SHB: variants seen among roughly 807,000 people sequenced by gnomAD.
SHB encodes the protein SH2 domain-containing adapter protein B.
SHB carries 20 observed loss-of-function variants against 52.3 expected under a neutral mutation model. The ratio of observed to expected loss-of-function variants is 0.38; its 90% CI spans 0.27 to 0.56. The LOEUF is 0.56. Among genes scored for constraint, SHB ranks in the 20% least tolerant of loss-of-function variants. The pLI, the probability that SHB is intolerant of heterozygous loss-of-function variation, is 0.71. For synonymous variants in SHB, 397 were observed against 316.5 expected, an observed-to-expected ratio of 1.25 and a Z score of -2.70; for missense variants, 825 against 723.3, an observed-to-expected ratio of 1.14 and a Z score of -1.61.
chr9:38,057,166 G>A (rs892031045), intron 1 of SHB, among the ~76,000 whole-genome samples: 3 of 152,142 alleles, frequency 2.0e-5, no homozygotes, highest in Non-Finnish European at 4.4e-5. Context: ...TGAAAACGAG[G>A]AAAAGCCCAA....
chr9:38,005,903 G>T (rs576466800), intron 2 of SHB, among the ~76,000 whole-genome samples: 1 of 152,112 alleles, frequency 6.6e-6, no homozygotes, highest in African/African-American at 2.4e-5. Context: ...GTGGCCCCCA[G>T]GTCCCTGGAA....
intron 1 of SHB, among the ~76,000 whole-genome samples, chr9:38,050,658 G>C (rs1439978909): frequency 6.6e-6 from 1 of 152,174 alleles, no homozygotes; most frequent in Non-Finnish European, 1.5e-5. Flanking sequence ...CAAAATGAAT[G>C]AATGTATACA....
At chr9:38,036,232 G>T (rs976500943) in intron 1 of SHB, among the ~76,000 whole-genome samples, 3 of 152,148 alleles carry the variant, frequency 2.0e-5, no homozygotes, top group Non-Finnish European at 2.9e-5. Context: ...CCACTCTAAC[G>T]CATGGGGCAC....
chr9:38,026,399 T>C (rs1821344818), intron 1 of SHB, among the ~76,000 whole-genome samples: 1 of 152,262 alleles, frequency 6.6e-6, no homozygotes. Flanking sequence ...GAACCCGCAC[T>C]AAGTGAAGGA....
intron 2 of SHB, among the ~76,000 whole-genome samples, chr9:37,985,510 G>C (rs529926680): frequency 1.6e-4 from 25 of 152,376 alleles, no homozygotes; most frequent in Non-Finnish European, 3.4e-4. Context: ...AGCCGCTGCA[G>C]GCCTGCGTTC....
intron 5 of SHB, among the ~76,000 whole-genome samples, chr9:37,922,551 C>T (rs1832195989): frequency 6.6e-6 from 1 of 152,194 alleles, no homozygotes; most frequent in Admixed American, 6.5e-5. Context: ...CCCCAACACA[C>T]TCCTATCTCG....
chr9:37,958,613 C>T (rs1832661062), intron 3 of SHB, among the ~76,000 whole-genome samples: 1 of 152,174 alleles, frequency 6.6e-6, no homozygotes, highest in African/African-American at 2.4e-5. Context: ...ACACAGACAG[C>T]AATGACCTCA....
intron 5 of SHB, 144 bp downstream of exon 5, chr9:37,948,491 A>G: frequency 1.1e-6 from 1 of 952,314 alleles, no homozygotes; most frequent in Admixed American, 2.1e-5. Context: ...GAATAGGATC[A>G]AATTGAAAAA....
At chr9:38,042,227 C>T (rs958787830) in intron 1 of SHB, among the ~76,000 whole-genome samples, 6 of 152,184 alleles carry the variant, frequency 3.9e-5, no homozygotes, top group African/African-American at 1.4e-4. Context: ...GTTGCTGCAA[C>T]AAAGCAAGGC....
intron 3 of SHB, among the ~76,000 whole-genome samples, chr9:37,973,224 G>A (rs1364686887): frequency 2.6e-5 from 4 of 152,192 alleles, no homozygotes; most frequent in East Asian, 1.9e-4. Context: ...TGCCTTTTCC[G>A]AATTTTTTTA....
rs2118215850 is a variant in SHB, at chr9:38,068,774, C to A, written c.-129G>T. 1 of 232,116 alleles carries A rather than the reference C, an allele frequency of 4.3e-6. No homozygotes were observed. Among genetic ancestry groups the A allele is most frequent in the East Asian group, 1.7e-4 (1 of 5,826 alleles). 14.4% of individuals were successfully genotyped at this position (232,116 alleles called of 1,614,324 possible). ...GGGGGGCGTCCGGGGCGCCCGCTCC[C>A]GACGCCAAGTTCAAGTTCTTGCCGC... On this transcript the variant is annotated 5_prime_UTR_variant, in exon 1 of 6. Transcript: ENST00000377707.
chr9:38,052,618 C>A (rs775473706), intron 1 of SHB, among the ~76,000 whole-genome samples: 16 of 152,302 alleles, frequency 1.1e-4, no homozygotes, highest in Non-Finnish European at 1.5e-4. Flanking sequence ...AACTGGGTCC[C>A]CACCTCCATG....
intron 5 of SHB, among the ~76,000 whole-genome samples, chr9:37,922,173 G>A (rs564981490): frequency 3.3e-5 from 5 of 152,352 alleles, no homozygotes; most frequent in East Asian, 1.9e-4. Flanking sequence ...GGTCACAGCC[G>A]CTGGCGGGAA....
intron 1 of SHB, among the ~76,000 whole-genome samples, chr9:38,026,352 G>A (rs1587250962): frequency 6.6e-6 from 1 of 152,260 alleles, no homozygotes; most frequent in East Asian, 1.9e-4. Flanking sequence ...GATCGGGCCA[G>A]CACAGTGCCT....
intron 2 of SHB, among the ~76,000 whole-genome samples, chr9:38,007,130 G>T (rs1426156773): frequency 6.6e-6 from 1 of 152,236 alleles, no homozygotes; most frequent in African/African-American, 2.4e-5. Flanking sequence ...CACATGGCAG[G>T]TGCTCACAAA....
intron 2 of SHB, among the ~76,000 whole-genome samples, chr9:37,982,291 G>A (rs1279535740): frequency 2.6e-5 from 4 of 151,942 alleles, no homozygotes; most frequent in African/African-American, 7.3e-5. Flanking sequence ...ACAGGAGTTC[G>A]AGACCAGCCT....
intron 1 of SHB, among the ~76,000 whole-genome samples, chr9:38,058,918 C>T (rs1821855819): frequency 6.6e-6 from 1 of 152,216 alleles, no homozygotes; most frequent in Non-Finnish European, 1.5e-5. Flanking sequence ...ACCCCAAATT[C>T]ACGTTTGCCA....
At position 38,016,082 on chromosome 9, in the gene SHB, A is replaced by C. The variant is rs941813734; in HGVS notation, c.767T>G (p.Leu256Arg). Reference sequence around the variant, plus strand: ...CTCCCCCTTTCCTGCTTTGCTCTTGAGATCATTCTTGGCATCAAAGGGATC... The same window carrying C: ...CTCCCCCTTTCCTGCTTTGCTCTTGCGATCATTCTTGGCATCAAAGGGATC... Reference protein sequence around the residue: ...YSDPFDAKNDLKSKAGKGESA... With the variant: ...YSDPFDAKNDRKSKAGKGESA... Residue 256 changes from leucine (L) to arginine (R), a missense_variant, in exon 2 of 6, where the codon CTC becomes CGC. Transcript: ENST00000377707. The C allele has an allele frequency of 5.0e-6, 8 of 1,613,892 alleles. No homozygotes were observed. The African/African-American group carries it at 6.7e-5, about 13-fold the overall frequency.
chr9:37,999,497 C>T (rs562920827), intron 2 of SHB, among the ~76,000 whole-genome samples: 7 of 152,234 alleles, frequency 4.6e-5, no homozygotes, highest in Admixed American at 4.6e-4. Context: ...AGGCCCAATT[C>T]GAAAGTAGGC....
Sources: allele counts gnomAD v4.1 joint callset (sites outside exome capture counted in the v4.1 genomes callset), GRCh38; gene constraint gnomAD v4.1.1; transcripts MANE v1.5; gene names NCBI Gene and HGNC (gene_info 2026-07-23, HGNC 2026-07-21).